Variants in ARID1A observed in about 807,000 individuals in gnomAD.
ARID1A encodes AT-rich interactive domain-containing protein 1A.
In ARID1A, 20 loss-of-function variants were observed where a neutral mutation model predicts 212.6. The observed-to-expected ratio is 0.09, with a 90% CI of 0.07 to 0.14. The LOEUF (loss-of-function observed/expected upper bound fraction) is 0.14, where lower values mean the gene tolerates loss of function less well. Ranked by LOEUF, ARID1A falls within the 10% of genes least tolerant of loss-of-function variation. The pLI, the probability that ARID1A is intolerant of heterozygous loss-of-function variation, is 1.00. For missense variants in ARID1A, 2,587 were observed against 3,059.0 expected (o/e 0.85, Z 3.64); for synonymous variants, 1,376 against 1,222.1 (o/e 1.13, Z -2.63).
intron 19 of ARID1A, 23 bp downstream of exon 19, chr1:26,775,730 G>C (rs770672331): frequency 6.2e-7 from 1 of 1,614,114 alleles, no homozygotes; most frequent in Non-Finnish European, 8.5e-7. Flanking sequence ...GCCTGGGGAA[G>C]ATTGAGAGGG....
At chr1:26,759,012 G>A (rs992636321) in intron 4 of ARID1A, among the ~76,000 whole-genome samples, 3 of 151,566 alleles carry the variant, frequency 2.0e-5, no homozygotes, top group African/African-American at 7.3e-5. Flanking sequence ...ACCCAGCTTG[G>A]ATACTTGAAG....
At position 26,697,235 on chromosome 1, in the gene ARID1A, G is replaced by A; in HGVS notation, c.832G>A (p.Gly278Ser). 2 of 1,373,606 alleles carry A rather than the reference G, an allele frequency of 1.5e-6. No homozygotes were observed. Among genetic ancestry groups the A allele is most frequent in the East Asian group, 3.0e-5 (1 of 33,058 alleles). The allele number at this position is 1,373,606 out of a possible 1,614,324, so 85.1% of individuals were successfully genotyped here. ...QQRFGAMGGG[G>S]PSAAGGGTPQ... is the part of the protein sequence containing the mutation. ...GCGCTTCGGGGCCATGGGGGGAGGCGGCCCCTCCGCGGCCGGCGGGGGAAC... is the reference window on the plus strand; with the variant it reads ...GCGCTTCGGGGCCATGGGGGGAGGCAGCCCCTCCGCGGCCGGCGGGGGAAC... Residue 278 changes from glycine to serine, a missense_variant, in exon 1 of 20, where the codon GGC becomes AGC. Gly to Ser is a moderately conservative substitution (Grantham distance 56). Coordinates refer to ENST00000324856, the MANE Select transcript of ARID1A (RefSeq NM_006015.6).
chr1:26,734,144 T>C (rs2080706435), intron 4 of ARID1A, among the ~76,000 whole-genome samples: 1 of 152,222 alleles, frequency 6.6e-6, no homozygotes, highest in South Asian at 2.1e-4. Context: ...CTGAACTTCA[T>C]TGGAATGTGC....
rs752800713 is a variant in ARID1A, at chr1:26,762,211, T to C, written c.2311T>C (p.Leu771=). 3 of 1,613,996 alleles carry C rather than the reference T, an allele frequency of 1.9e-6. No individual in the cohort carries two copies. Among genetic ancestry groups the C allele is most frequent in the Non-Finnish European group, 1.7e-6 (2 of 1,180,030 alleles). The change falls in exon 7 of 20, where the codon TTA becomes CTA. Residue 771 remains leucine, a synonymous_variant. Transcript: ENST00000324856. The part of the protein sequence containing the change: ...QYSSPQPGSA[L]SPRQPSGGQI... ...CAGTTCCCCCCAGCCCGGCTCAGCC[T>C]TATCTCCGCGTCAGCCTTCCGGAGG...
rs369532498 is a variant in ARID1A, at chr1:26,779,651, G to A, written c.5753G>A (p.Arg1918Gln). 58 of 1,613,960 alleles carry A rather than the reference G, an allele frequency of 3.6e-5. 2 individuals carry two copies. Among genetic ancestry groups the A allele is most frequent in the South Asian group, 3.2e-4 (29 of 91,078 alleles). Residue 1918 changes from arginine to glutamine, a missense_variant, in exon 20 of 20, where the codon CGG becomes CAG. By Grantham distance (43) the Arg-to-Gln change is conservative. Around this residue, in one of 11 missense-constraint regions of ARID1A, gnomAD observed 890 missense variants for 1,098.2 expected, o/e 0.81. Transcript: ENST00000324856. ...ACTATGGATGACATGTTGTCTACTCGGTCTAGCACCTTGACCGAGGATGGA... is the reference window on the plus strand; with the variant it reads ...ACTATGGATGACATGTTGTCTACTCAGTCTAGCACCTTGACCGAGGATGGA... ...TATMDDMLST[R>Q]SSTLTEDGAK... is the part of the protein sequence containing the mutation.
chr1:26,771,563 C>T lies in ARID1A; in HGVS notation c.3406+237C>T. 1.8e-6 allele frequency: 1 copy of T among 549,922 alleles called. No individual in the cohort carries two copies. 34.1% of individuals were successfully genotyped at this position (549,922 alleles called of 1,614,324 possible). A position where few individuals can be genotyped will look rare whatever the true frequency, so the allele number is the denominator to read the frequency against. On this transcript the variant is annotated intron_variant, in intron 12 of 19. Coordinates refer to ENST00000324856, the MANE Select transcript of ARID1A (RefSeq NM_006015.6). The surrounding 1 kb of genome is among the most constrained non-coding windows in gnomAD (Gnocchi z 5.4). ...TTTTTGTTGTGCAGCTGACAACTTG[C>T]CAAATGTTTGTAAACTGGTGAATGG...
At chr1:26,750,285 CTG>C (rs1436511957) in intron 4 of ARID1A, among the ~76,000 whole-genome samples, 1 of 152,194 alleles carries the variant, frequency 6.6e-6, no homozygotes, top group East Asian at 1.9e-4. Context: ...CTCCACAAAA[CTG>C]TTTTCATCTT....
intron 4 of ARID1A, among the ~76,000 whole-genome samples, chr1:26,738,230 G>A (rs1242881268): frequency 6.6e-6 from 1 of 151,986 alleles, no homozygotes; most frequent in Non-Finnish European, 1.5e-5. Context: ...CACTATGTTG[G>A]CCAGACTGGT....
At chr1:26,748,495 G>C (rs1413006189) in intron 4 of ARID1A, among the ~76,000 whole-genome samples, 1 of 151,952 alleles carries the variant, frequency 6.6e-6, no homozygotes, top group African/African-American at 2.4e-5. Flanking sequence ...TAACTTCTTT[G>C]CCTTCTCTAG....
chr1:26,713,153 G>C (rs1315051125), intron 1 of ARID1A, among the ~76,000 whole-genome samples: 1 of 152,156 alleles, frequency 6.6e-6, no homozygotes, highest in African/African-American at 2.4e-5. Context: ...GTGTGCATGT[G>C]TGTTTTAAAC....
intron 1 of ARID1A, chr1:26,729,440 A>G (rs2080651213): frequency 1.7e-6 from 1 of 594,370 alleles, no homozygotes; most frequent in East Asian, 2.9e-5. Flanking sequence ...GTTTTCACAA[A>G]TAGGTGGTAT....
chr1:26,773,778 C>T lies in ARID1A; in HGVS notation c.4005-24C>T, dbSNP rs751455612. 8.1e-6 allele frequency: 13 copies of T among 1,614,094 alleles called. No individual in the cohort carries two copies. In the Admixed American group the frequency reaches 1.5e-4, roughly 19 times the overall value. On this transcript the variant is annotated intron_variant, in intron 16 of 19. Coordinates refer to ENST00000324856, the MANE Select transcript of ARID1A (RefSeq NM_006015.6). ...AGGCTTCGCCACTGCCCACCCTAAT[C>T]CTGTGTTTCTTTGCCTCCTATAGAC...
At chr1:26,707,200 ATTTT>A (rs751639614) in intron 1 of ARID1A, among the ~76,000 whole-genome samples, 2 of 102,612 alleles carry the variant, frequency 1.9e-5, no homozygotes, top group Non-Finnish European at 4.1e-5. Flanking sequence ...CGGCTGGCTA[ATTTT>A]TTTTTTTTTT....
At chr1:26,725,231 G>A (rs2080605332) in intron 1 of ARID1A, among the ~76,000 whole-genome samples, 1 of 152,158 alleles carries the variant, frequency 6.6e-6, no homozygotes, top group Admixed American at 6.5e-5. Context: ...CCTTGTGCCT[G>A]CAGACTGCTG....
In ARID1A at chr1:26,696,920, C is replaced by G. The variant is rs1570539368; in HGVS notation, c.517C>G (p.His173Asp). Residue 173 changes from histidine to aspartate, a missense_variant, in exon 1 of 20, where the codon CAT becomes GAT. Physicochemically the swap from His to Asp is moderately conservative, Grantham distance 81. Coordinates refer to ENST00000324856, the MANE Select transcript of ARID1A (RefSeq NM_006015.6). ...AAAAAVFHQQ[H>D]GGQQSPGLAA... ...CGCGGCCGCCGTCTTCCACCAACAA[C>G]ATGGCGGACAACAAAGCCCTGGCCT... 7.0e-7 allele frequency: 1 copy of G among 1,422,702 alleles called. No individual in the cohort carries two copies. Among genetic ancestry groups the G allele is most frequent in the Non-Finnish European group, 9.2e-7 (1 of 1,092,344 alleles). The allele number at this position is 1,422,702 out of a possible 1,614,324, so 88.1% of individuals were successfully genotyped here. A position where few individuals can be genotyped will look rare whatever the true frequency, so the allele number is the denominator to read the frequency against.
rs1396134602 is a variant in ARID1A at position 26,696,499 on chromosome 1, G to A, written c.96G>A (p.Arg32=). The change falls in exon 1 of 20, where the codon CGG becomes CGA. Residue 32 remains arginine (R), a synonymous_variant. Coordinates refer to ENST00000324856, the MANE Select transcript of ARID1A (RefSeq NM_006015.6). ...TGAAGAAAGCCGAGCAGCAGCAGCG[G>A]GAGGAGGCGGGGGGCGAGGCGGCGG... is the stretch of plus-strand genomic sequence containing the variant. ...SELKKAEQQQ[R]EEAGGEAAAA... The A allele has an allele frequency of 5.7e-6, 7 of 1,237,908 alleles. No individual in the cohort carries two copies. The highest frequency in any genetic ancestry group is 3.4e-5 in the South Asian group (1 of 29,094). The allele number at this position is 1,237,908 out of a possible 1,614,324, so 76.7% of individuals were successfully genotyped here. A position where few individuals can be genotyped will look rare whatever the true frequency, so the allele number is the denominator to read the frequency against.
rs11303126 is a variant in ARID1A, at chr1:26,709,835, C to CT, written c.1137+12309dup. On this transcript the variant is annotated intron_variant, in intron 1 of 19. Transcript: ENST00000324856. ...CCAGCTATCAGGGCTAGCTTGCTTA[C>CT]TTTTTTTTTTTTTTGGAGACAGAAT... 3.1e-3 allele frequency among the ~76,000 whole-genome samples: 430 copies of CT among 138,800 alleles called. 1 individual carries two copies. Among genetic ancestry groups the CT allele is most frequent in the Middle Eastern group, 0.015 (4 of 266 alleles). 91.1% of individuals were successfully genotyped at this position (138,800 alleles called of 152,430 possible).
chr1:26,723,651 A>G (rs1245628015), intron 1 of ARID1A, among the ~76,000 whole-genome samples: 1 of 151,680 alleles, frequency 6.6e-6, no homozygotes, highest in African/African-American at 2.4e-5. Flanking sequence ...CAGATTAGCC[A>G]TGTGTTTCTC....
At chr1:26,775,977 G>A (rs1340592071) in intron 19 of ARID1A, 4 of 572,716 alleles carry the variant, frequency 7.0e-6, no homozygotes, top group Middle Eastern at 2.7e-4. Context: ...AGATTCAATC[G>A]ATGCCAGTGG....
Sources: gnomAD v4.1 joint callset for allele counts (sites outside exome capture counted in the v4.1 genomes callset) on GRCh38, gnomAD v4.1.1 for gene constraint, gnomAD v4.1.1 regional missense constraint, Gnocchi (gnomAD v3.1) non-coding constraint, MANE v1.5 for transcripts, NCBI Gene and HGNC (gene_info 2026-07-23, HGNC 2026-07-21) for gene names.